Variants in BRICD5 observed in about 807,000 individuals in gnomAD.
BRICD5 encodes the protein BRICHOS domain-containing protein 5.
Under a neutral mutation model 28.4 loss-of-function variants are expected in BRICD5, and 51 were observed. The observed-to-expected ratio is 1.80, with a 90% CI of 1.43 to 2.27. The LOEUF (loss-of-function observed/expected upper bound fraction) is 2.27. BRICD5 is among the 30% of genes most tolerant of loss of function. The pLI is 0.00. For missense variants in BRICD5, 456 were observed against 309.6 expected (o/e 1.47, Z -3.55); for synonymous variants, 177 against 130.2 (o/e 1.36, Z -2.44).
rs12149613 is a variant in BRICD5 at position 2,210,055 on chromosome 16, G to T, written c.337-4C>A. ...CAGGGCGGTAACAGATGCAGCCCTG[G>T]GGAGGCAGGGGGGTGAGGCGGGGCC... On this transcript the variant is annotated splice_region_variant and splice_polypyrimidine_tract_variant and intron_variant, in intron 3 of 5. Coordinates refer to ENST00000328540, the MANE Select transcript of BRICD5 (RefSeq NM_182563.4). The T allele has an allele frequency of 6.3e-7, 1 of 1,599,848 alleles. No homozygotes were observed. Among genetic ancestry groups the T allele is most frequent in the East Asian group, 2.3e-5 (1 of 44,424 alleles).
Position 2,209,628 on chromosome 16 carries a change from C to T in BRICD5, c.517G>A (p.Asp173Asn), listed in dbSNP as rs1236972751. 6.2e-7 allele frequency: 1 copy of T among 1,613,354 alleles called. No individual in the cohort carries two copies. Among genetic ancestry groups the T allele is most frequent in the Non-Finnish European group, 8.5e-7 (1 of 1,179,964 alleles). Residue 173 changes from aspartate (D) to asparagine (N), a missense_variant, in exon 5 of 6, where the codon GAC becomes AAC. Transcript: ENST00000328540. The part of the protein sequence containing the change: ...LLAVQGSLEV[D>N]PAQAGALVQR... ...ACCAAAGCCCCCGCCTGGGCGGGGTCCACTTCGAGGCTCCCCTGCACTGCC... is the reference window on the plus strand; with the variant it reads ...ACCAAAGCCCCCGCCTGGGCGGGGTTCACTTCGAGGCTCCCCTGCACTGCC...
At position 2,210,216 on chromosome 16, in the gene BRICD5, G is replaced by C. The variant is rs775041566; in HGVS notation, c.246C>G (p.Ile82Met). ...CCGCGTTCCGGGCCACGTCCACCAGGATGGTTTGGTTGGGCCGGGGCATGT... is the reference window on the plus strand; with the variant it reads ...CCGCGTTCCGGGCCACGTCCACCAGCATGGTTTGGTTGGGCCGGGGCATGT... ...SPHMPRPNQT[I>M]LVDVARNAAT... is the part of the protein sequence containing the mutation. Residue 82 changes from isoleucine (I) to methionine (M), a missense_variant, in exon 3 of 6, where the codon ATC (isoleucine) becomes ATG (methionine). By Grantham distance (10) the Ile-to-Met change is conservative. Coordinates refer to ENST00000328540, the MANE Select transcript of BRICD5 (RefSeq NM_182563.4). The C allele has an allele frequency of 3.8e-6, 6 of 1,583,466 alleles. No homozygotes were observed. Among genetic ancestry groups the C allele is most frequent in the African/African-American group, 2.7e-5 (2 of 74,568 alleles).
At position 2,209,319 on chromosome 16, in the gene BRICD5, CCCACTGGATTGGGGACGGGCCAGG is replaced by C. The variant is rs1259053954; in HGVS notation, c.*19_*42del. ...TCCCTGGTGCAGGTGGCCTGGCCAGCCCACTGGATTGGGGACGGGCCAGGCTGGGCCAGGTCGGGGGCTCAGTCT... is the reference window on the plus strand; with the variant it reads ...TCCCTGGTGCAGGTGGCCTGGCCAGCCTGGGCCAGGTCGGGGGCTCAGTCT... On this transcript the variant is annotated 3_prime_UTR_variant, in exon 6 of 6. Coordinates refer to ENST00000328540, the MANE Select transcript of BRICD5 (RefSeq NM_182563.4). The C allele has an allele frequency of 6.4e-7, 1 of 1,560,664 alleles. No individual in the cohort carries two copies. Among genetic ancestry groups the C allele is most frequent in the Non-Finnish European group, 8.8e-7 (1 of 1,137,608 alleles).
Position 2,209,955 on chromosome 16 carries a change from A to T in BRICD5, c.433T>A (p.Ser145Thr), listed in dbSNP as rs2093366081. ...CGCCCAGCAGGACGGCTCACCTTGG[A>T]GGTATCCACCAGCAGCCGCAGGGTC... ...RETLRLLVDT[S>T]KVQEAWVPSQ... is the part of the protein sequence containing the mutation. Residue 145 changes from serine (S) to threonine (T), a missense_variant, in exon 4 of 6, where the codon TCC (serine) becomes ACC (threonine). By Grantham distance (58) the Ser-to-Thr change is moderately conservative (BLOSUM62 1). Coordinates refer to ENST00000328540, the MANE Select transcript of BRICD5 (RefSeq NM_182563.4). The T allele has an allele frequency of 2.0e-6, 3 of 1,528,008 alleles. No individual in the cohort carries two copies. In the South Asian group the frequency reaches 3.8e-5, roughly 19 times the overall value. The allele number at this position is 1,528,008 out of a possible 1,614,324, so 94.7% of individuals were successfully genotyped here.
Position 2,210,562 on chromosome 16 carries a change from A to G in BRICD5, c.140T>C (p.Val47Ala). 1 of 1,612,834 alleles carries G rather than the reference A, an allele frequency of 6.2e-7. No individual in the cohort carries two copies. Among genetic ancestry groups the G allele is most frequent in the Non-Finnish European group, 8.5e-7 (1 of 1,179,784 alleles). Reference protein sequence around the residue: ...LLLVLAAVGVVAGGLLGSAQG... With the variant: ...LLLVLAAVGVAAGGLLGSAQG... ...AGCAGAGCCAAGAAGCCCTCCAGCCACAACCCCCACAGCGGCCAGCACCAG... is the reference window on the plus strand; with the variant it reads ...AGCAGAGCCAAGAAGCCCTCCAGCCGCAACCCCCACAGCGGCCAGCACCAG... Residue 47 changes from valine to alanine, a missense_variant, in exon 2 of 6, where the codon GTG (valine) becomes GCG (alanine). By Grantham distance (64) the Val-to-Ala change is moderately conservative (BLOSUM62 0). Transcript: ENST00000328540.
At position 2,209,318 on chromosome 16, in the gene BRICD5, G is replaced by A. The variant is rs370223216; in HGVS notation, c.*44C>T. ...CTCCCTGGTGCAGGTGGCCTGGCCA[G>A]CCCACTGGATTGGGGACGGGCCAGG... is the stretch of plus-strand genomic sequence containing the variant. On this transcript the variant is annotated 3_prime_UTR_variant, in exon 6 of 6. Coordinates refer to ENST00000328540, the MANE Select transcript of BRICD5 (RefSeq NM_182563.4). 2.1e-5 allele frequency: 33 copies of A among 1,568,944 alleles called. No individual in the cohort carries two copies. The Admixed American group carries it at 4.1e-4, about 19-fold the overall frequency.
At chr16:2,210,689 G>A (rs774592132) in intron 1 of BRICD5, 39 bp from the exon 2 acceptor site, 5 of 1,610,824 alleles carry the variant, frequency 3.1e-6, no homozygotes, top group Non-Finnish European at 4.2e-6. Flanking sequence ...ATGAGGGTTA[G>A]ACATCAGGGA....
rs982507359 is a variant in BRICD5 at position 2,209,825 on chromosome 16, G to T, written c.439-119C>A. 3.6e-6 allele frequency: 5 copies of T among 1,396,988 alleles called. No individual in the cohort carries two copies. The Admixed American group carries it at 6.9e-5, about 19-fold the overall frequency. The allele number at this position is 1,396,988 out of a possible 1,614,324, so 86.5% of individuals were successfully genotyped here. A position where few individuals can be genotyped will look rare whatever the true frequency, so the allele number is the denominator to read the frequency against. The stretch of plus-strand genomic sequence containing the variant: ...CACCCTCAGCTCTTGTCAGCAGCCT[G>T]GGCTTAGGGCGGAGAGAGCTTCCTG... On this transcript the variant is annotated intron_variant, in intron 4 of 5. Transcript: ENST00000328540.
chr16:2,210,506 C>G lies in BRICD5; in HGVS notation c.180+16G>C. ...CTTTCCACTGTCCATGTCCCTGGTG[C>G]TGAGGAGGGGCTCACCTTGGGAGGG... On this transcript the variant is annotated intron_variant, in intron 2 of 5. Transcript: ENST00000328540. The G allele has an allele frequency of 1.3e-6, 2 of 1,594,104 alleles. No homozygotes were observed. The highest frequency in any genetic ancestry group is 1.7e-6 in the Non-Finnish European group (2 of 1,169,374).
In BRICD5 at chr16:2,209,384, C is replaced by G; in HGVS notation, c.665G>C (p.Cys222Ser). The change falls in exon 6 of 6, where the codon TGC becomes TCC. Residue 222 changes from cysteine to serine, a missense_variant. By Grantham distance (112) the Cys-to-Ser change is moderately radical. Transcript: ENST00000328540. ...CFPSNICVSV[C>S]FYYLPD is the part of the protein sequence containing the mutation. ...GGCTCAGTCTGGGAGGTAATAAAAG[C>G]AGACCGACACGCAGATGTTGCTCGG... The G allele has an allele frequency of 1.2e-6, 2 of 1,613,498 alleles. No individual in the cohort carries two copies. The highest frequency in any genetic ancestry group is 1.7e-6 in the Non-Finnish European group (2 of 1,179,730).
rs373300517 is a variant in BRICD5 at position 2,209,943 on chromosome 16, G to A, written c.438+7C>T. 3.8e-5 allele frequency: 58 copies of A among 1,515,736 alleles called. No homozygotes were observed. The highest frequency in any genetic ancestry group is 4.5e-5 in the Non-Finnish European group (51 of 1,131,370). The allele number at this position is 1,515,736 out of a possible 1,614,324, so 93.9% of individuals were successfully genotyped here. A position where few individuals can be genotyped will look rare whatever the true frequency, so the allele number is the denominator to read the frequency against. ...GGCCCGGGCCTGCGCCCAGCAGGACGGCTCACCTTGGAGGTATCCACCAGC... is the reference window on the plus strand; with the variant it reads ...GGCCCGGGCCTGCGCCCAGCAGGACAGCTCACCTTGGAGGTATCCACCAGC... On this transcript the variant is annotated splice_region_variant and intron_variant, in intron 4 of 5. Coordinates refer to ENST00000328540, the MANE Select transcript of BRICD5 (RefSeq NM_182563.4).
In BRICD5 at chr16:2,209,364, A is replaced by G. The variant is rs2141392233; in HGVS notation, c.685T>C (p.Ter229ArgextTer?). ...CCAGGCTGGGCCAGGTCGGGGGCTCAGTCTGGGAGGTAATAAAAGCAGACC... is the reference window on the plus strand; with the variant it reads ...CCAGGCTGGGCCAGGTCGGGGGCTCGGTCTGGGAGGTAATAAAAGCAGACC... ...VSVCFYYLPD[*>R] Residue 229 changes from the stop codon to arginine (R), a stop_lost, in exon 6 of 6, where the codon TGA becomes CGA. Transcript: ENST00000328540. 1 of 1,609,588 alleles carries G rather than the reference A, an allele frequency of 6.2e-7. No individual in the cohort carries two copies. Among genetic ancestry groups the G allele is most frequent in the Non-Finnish European group, 8.5e-7 (1 of 1,176,622 alleles).
At chr16:2,210,353 G>A (rs1041363761) in intron 2 of BRICD5, 72 bp from the exon 3 acceptor site, 5 of 1,520,642 alleles carry the variant, frequency 3.3e-6, no homozygotes, top group Non-Finnish European at 4.4e-6. Flanking sequence ...TGGGCTGCAG[G>A]ACTCCTGACA....
In BRICD5 at chr16:2,210,763, G is replaced by A. The variant is rs781137540; in HGVS notation, c.51+20C>T. The A allele has an allele frequency of 6.2e-7, 1 of 1,607,830 alleles. No homozygotes were observed. The highest frequency in any genetic ancestry group is 8.5e-7 in the Non-Finnish European group (1 of 1,179,928). The stretch of plus-strand genomic sequence containing the variant: ...GGCACCCCCTGGGTCCTTGCTGCAG[G>A]AGTAACGGGAGGCACTCACCCCTGT... On this transcript the variant is annotated intron_variant, in intron 1 of 5. Transcript: ENST00000328540.
chr16:2,210,486 C>A, intron 2 of BRICD5, 36 bp downstream of exon 2: 1 of 1,569,088 alleles, frequency 6.4e-7, no homozygotes, highest in Non-Finnish European at 8.7e-7. Flanking sequence ...TCTCCCTTTC[C>A]ACTGTCCATG....
At position 2,210,765 on chromosome 16, in the gene BRICD5, G is replaced by A; in HGVS notation, c.51+18C>T. 1 of 1,607,804 alleles carries A rather than the reference G, an allele frequency of 6.2e-7. No individual in the cohort carries two copies. The highest frequency in any genetic ancestry group is 8.5e-7 in the Non-Finnish European group (1 of 1,179,924). ...CACCCCCTGGGTCCTTGCTGCAGGAGTAACGGGAGGCACTCACCCCTGTAG... is the reference window on the plus strand; with the variant it reads ...CACCCCCTGGGTCCTTGCTGCAGGAATAACGGGAGGCACTCACCCCTGTAG... On this transcript the variant is annotated intron_variant, in intron 1 of 5. Transcript: ENST00000328540.
In BRICD5 at chr16:2,209,529, T is replaced by TC. The variant is rs752085931; in HGVS notation, c.592+23dup. 4 of 1,612,238 alleles carry TC rather than the reference T, an allele frequency of 2.5e-6. No homozygotes were observed. In the African/African-American group the frequency reaches 4.0e-5, roughly 16 times the overall value. ...TCAAACCATCCCGAGGGCCTGGCCT[T>TC]CCCCCACAGCGGTCCTGACTCACCC... is the stretch of plus-strand genomic sequence containing the variant. On this transcript the variant is annotated intron_variant, in intron 5 of 5. Coordinates refer to ENST00000328540, the MANE Select transcript of BRICD5 (RefSeq NM_182563.4).
Position 2,209,451 on chromosome 16 carries a change from G to C in BRICD5, c.598C>G (p.Arg200Gly), listed in dbSNP as rs192860278. The C allele has an allele frequency of 7.4e-6, 12 of 1,613,620 alleles. No homozygotes were observed. The East Asian group carries it at 1.6e-4, about 21-fold the overall frequency. Residue 200 changes from arginine to glycine, a missense_variant, in exon 6 of 6, where the codon CGG (arginine) becomes GGG (glycine). Arg to Gly is a moderately radical substitution (Grantham distance 125). Coordinates refer to ENST00000328540, the MANE Select transcript of BRICD5 (RefSeq NM_182563.4). ...IYWARRAEGP[R>G]RQRLIYLCID... ...CAGAGATAAATCAGCCGCTGTCTCC[G>C]GGGCCCTGTGGCGAGGGTGCCGTGA...
rs768524225 is a variant in BRICD5, at chr16:2,210,624, G to GC, written c.77dup (p.Trp27LeufsTer94). ...GCAGGAGCAGGCTCACGGCTCTCCA[G>GC]CCCCCGCAGGAGGGCTTGGTCTTCA... On this transcript the variant is annotated frameshift_variant, in exon 2 of 6. Transcript: ENST00000328540. LOFTEE classifies it high-confidence loss of function. The GC allele has an allele frequency of 1.9e-6, 3 of 1,612,162 alleles. No individual in the cohort carries two copies. In the East Asian group the frequency reaches 6.7e-5, roughly 36 times the overall value.
Sources: allele counts gnomAD v4.1 joint callset, GRCh38; gene constraint gnomAD v4.1.1; transcripts MANE v1.5; gene names NCBI Gene and HGNC (gene_info 2026-07-23, HGNC 2026-07-21).